WWOX: variants seen among roughly 807,000 people sequenced by gnomAD.
The protein encoded by WWOX is WW domain containing oxidoreductase, also known as WW domain-containing oxidoreductase.
A neutral mutation model predicts 46.2 loss-of-function variants in WWOX; 69 were observed. The observed-to-expected ratio is 1.49, with a 90% CI of 1.23 to 1.82. The LOEUF (loss-of-function observed/expected upper bound fraction) is 1.82. Ranked by LOEUF, WWOX falls within the 40% of genes most tolerant of loss-of-function variation. The pLI is 0.00. For synonymous variants in WWOX, 359 were observed against 202.6 expected (o/e 1.77, Z -6.56); for missense variants, 919 against 542.6 (o/e 1.69, Z -6.89).
chr16:78,667,110 G>A (rs1267475117), intron 8 of WWOX, among the ~76,000 whole-genome samples: 3 of 152,122 alleles, frequency 2.0e-5, no homozygotes, highest in Admixed American at 1.3e-4. Flanking sequence ...ATTCAGTCAC[G>A]TCTTAAATAG....
chr16:78,493,156 C>T (rs2738717), intron 8 of WWOX, among the ~76,000 whole-genome samples: 1 of 152,002 alleles, frequency 6.6e-6, no homozygotes, highest in African/African-American at 2.4e-5. Flanking sequence ...GGAGAAGGCT[C>T]GAAAAACTTC....
intron 7 of WWOX, 60 bp from the exon 8 acceptor site, chr16:78,432,428 T>TA: frequency 6.3e-7 from 1 of 1,599,238 alleles, no homozygotes; most frequent in Admixed American, 1.7e-5. Context: ...CCAATAAAAA[T>TA]AAAAAGCTGT....
chr16:78,917,557 C>G (rs1034511328), intron 8 of WWOX, among the ~76,000 whole-genome samples: 1 of 152,002 alleles, frequency 6.6e-6, no homozygotes, highest in Non-Finnish European at 1.5e-5. Context: ...TTCCTAACCC[C>G]CAACCACTGT....
chr16:79,112,736 C>G (rs551831450), intron 8 of WWOX, among the ~76,000 whole-genome samples: 2 of 152,182 alleles, frequency 1.3e-5, no homozygotes, highest in South Asian at 4.1e-4. Context: ...AATATAGAGT[C>G]GTAGAATTTT....
intron 8 of WWOX, among the ~76,000 whole-genome samples, chr16:78,623,709 T>C (rs751106522): frequency 2.8e-4 from 41 of 146,622 alleles, no homozygotes; most frequent in Non-Finnish European, 5.8e-4. Flanking sequence ...ACCTCCAGCC[T>C]GGGCAACAGA....
rs994388919 is a variant in WWOX at position 78,757,614 on chromosome 16, A to G, written c.1056+324862A>G. On this transcript the variant is annotated intron_variant, in intron 8 of 8. Transcript: ENST00000566780. ...TATTTTGAAAGACGTATGTAAAAAC[A>G]TTTGTATTTATTTATATGAATGAAT... Among the ~76,000 whole-genome samples, 156 of 152,236 alleles carry G rather than the reference A, an allele frequency of 1.0e-3. 1 individual carries two copies. Among genetic ancestry groups the G allele is most frequent in the African/African-American group, 3.6e-3 (148 of 41,562 alleles).
At chr16:78,505,638 C>A (rs1233720066) in intron 8 of WWOX, among the ~76,000 whole-genome samples, 1 of 152,106 alleles carries the variant, frequency 6.6e-6, no homozygotes. Flanking sequence ...TTGCTCCAAA[C>A]TCAGGAAGTT....
At chr16:78,890,588 G>T (rs1386458317) in intron 8 of WWOX, 1 of 152,118 alleles carries the variant, frequency 6.6e-6, no homozygotes, top group Non-Finnish European at 1.5e-5. Context: ...TTTTTGCCAG[G>T]GGAACAAATT....
At position 78,943,116 on chromosome 16, in the gene WWOX, G is replaced by T. The variant is rs75317717; in HGVS notation, c.1057-268492G>T. Reference sequence around the variant, plus strand: ...ATTGCTATAAAGTTTTAGCTAGACAGCGAATCAAGGTGGCAACACATGGTG... The same window carrying T: ...ATTGCTATAAAGTTTTAGCTAGACATCGAATCAAGGTGGCAACACATGGTG... On this transcript the variant is annotated intron_variant, in intron 8 of 8. Coordinates refer to ENST00000566780, the MANE Select transcript of WWOX (RefSeq NM_016373.4). Among the ~76,000 whole-genome samples, 1,090 of 152,282 alleles carry T rather than the reference G, an allele frequency of 7.2e-3. 17 individuals are homozygous for T. The highest frequency in any genetic ancestry group is 0.025 in the African/African-American group (1,054 of 41,544).
chr16:79,093,919 A>G (rs2049015805), intron 8 of WWOX, among the ~76,000 whole-genome samples: 1 of 152,146 alleles, frequency 6.6e-6, no homozygotes, highest in Non-Finnish European at 1.5e-5. Flanking sequence ...TCCTTCCAAG[A>G]GAGAAAGGGG....
At chr16:79,008,071 C>T (rs1051103977) in intron 8 of WWOX, among the ~76,000 whole-genome samples, 18 of 152,284 alleles carry the variant, frequency 1.2e-4, no homozygotes, top group African/African-American at 3.8e-4. Flanking sequence ...AAAGCGTCAG[C>T]CAGGGATGGG....
chr16:79,018,079 C>T (rs1056753516), intron 8 of WWOX, among the ~76,000 whole-genome samples: 3 of 152,184 alleles, frequency 2.0e-5, no homozygotes, highest in African/African-American at 4.8e-5. Flanking sequence ...CAGAGTTTCT[C>T]GGACCTATGA....
At chr16:79,038,905 A>G (rs898705238) in intron 8 of WWOX, among the ~76,000 whole-genome samples, 5 of 152,216 alleles carry the variant, frequency 3.3e-5, no homozygotes, top group East Asian at 1.9e-4. Flanking sequence ...TAAAGCATAC[A>G]TAGAGGATAA....
intron 8 of WWOX, among the ~76,000 whole-genome samples, chr16:78,964,113 G>C (rs147865562): frequency 0.052 from 7,963 of 152,212 alleles, 525 homozygotes; most frequent in African/African-American, 0.15. Context: ...TGTGAAAATG[G>C]ACTAATACAG....
At chr16:79,112,707 C>A (rs759373950) in intron 8 of WWOX, among the ~76,000 whole-genome samples, 1 of 152,078 alleles carries the variant, frequency 6.6e-6, no homozygotes, top group Non-Finnish European at 1.5e-5. Flanking sequence ...TATTCATAGT[C>A]GTAAAGTTTA....
intron 8 of WWOX, among the ~76,000 whole-genome samples, chr16:78,613,251 C>G (rs1231289590): frequency 6.6e-6 from 1 of 152,252 alleles, no homozygotes; most frequent in Non-Finnish European, 1.5e-5. Context: ...ACATCTCTAC[C>G]TTCTCCGGGC....
At chr16:78,731,016 A>G (rs2048957224) in intron 8 of WWOX, among the ~76,000 whole-genome samples, 1 of 152,162 alleles carries the variant, frequency 6.6e-6, no homozygotes, top group South Asian at 2.1e-4. Context: ...ATTGATATTG[A>G]TGTTACCGTA....
chr16:78,516,004 C>G (rs62033973), intron 8 of WWOX, among the ~76,000 whole-genome samples: 6,730 of 152,154 alleles, frequency 0.044, 161 homozygotes, highest in Middle Eastern at 0.054. Context: ...CCCCTTTTCT[C>G]TTCTCTCCCC....
intron 8 of WWOX, among the ~76,000 whole-genome samples, chr16:78,983,062 G>C (rs1339093925): frequency 1.3e-5 from 2 of 152,158 alleles, no homozygotes; most frequent in Non-Finnish European, 2.9e-5. Flanking sequence ...CCTGTAGTCT[G>C]AGTTTCTTGT....
Sources: allele counts gnomAD v4.1 joint callset (sites outside exome capture counted in the v4.1 genomes callset), GRCh38; gene constraint gnomAD v4.1.1; transcripts MANE v1.5; gene names NCBI Gene and HGNC (gene_info 2026-07-23, HGNC 2026-07-21).